LRRC4C: variants seen among roughly 807,000 people sequenced by gnomAD.
The protein encoded by LRRC4C is leucine rich repeat containing 4C.
A neutral mutation model predicts 33.6 loss-of-function variants in LRRC4C; 5 were observed. The ratio of observed to expected loss-of-function variants is 0.15; its 90% CI spans 0.08 to 0.31. The LOEUF is 0.31. LRRC4C is among the 10% of genes least tolerant of loss of function. The pLI is 1.00. For missense variants in LRRC4C, 560 were observed against 796.7 expected (o/e 0.70, Z 3.58); for synonymous variants, 329 against 302.0 (o/e 1.09, Z -0.93).
intron 1 of LRRC4C, among the ~76,000 whole-genome samples, chr11:41,057,736 G>A (rs1858735937): frequency 6.6e-6 from 1 of 152,176 alleles, no homozygotes; most frequent in Admixed American, 6.5e-5. Flanking sequence ...TGACATGCCT[G>A]CAGAGAGAAG....
Position 40,115,774 on chromosome 11 carries a change from A to G in LRRC4C, c.519T>C (p.Ser173=), listed in dbSNP as rs752976082. Reference sequence around the variant, plus strand: ...ATTCCCCTAAGTCTAGTCGGCGCAAAGAAGGAATTCTGTTAAAAGCATAAG... The same window carrying G: ...ATTCCCCTAAGTCTAGTCGGCGCAAGGAAGGAATTCTGTTAAAAGCATAAG... ...IPSYAFNRIP[S]LRRLDLGELK... is the part of the protein sequence containing the mutation. The change falls in exon 7 of 7, where the codon TCT becomes TCC. Residue 173 remains serine, a synonymous_variant. Transcript: ENST00000528697. This position sits in a 1 kb window ranked among gnomAD's most constrained non-coding sequence, Gnocchi z 6.7. The G allele has an allele frequency of 6.2e-7, 1 of 1,614,200 alleles. No individual in the cohort carries two copies. Among genetic ancestry groups the G allele is most frequent in the East Asian group, 2.2e-5 (1 of 44,874 alleles).
chr11:40,723,399 A>G (rs529160256), intron 2 of LRRC4C, among the ~76,000 whole-genome samples: 1 of 152,292 alleles, frequency 6.6e-6, no homozygotes, highest in Non-Finnish European at 1.5e-5. Flanking sequence ...CATCAGGCTA[A>G]CAGCAGATTT....
intron 1 of LRRC4C, among the ~76,000 whole-genome samples, chr11:41,373,994 T>A (rs1952849974): frequency 6.6e-6 from 1 of 152,188 alleles, no homozygotes; most frequent in Non-Finnish European, 1.5e-5. Flanking sequence ...AAAAAAATTT[T>A]CATATCATAT....
At chr11:40,895,965 G>A (rs1955920470) in intron 2 of LRRC4C, among the ~76,000 whole-genome samples, 1 of 152,036 alleles carries the variant, frequency 6.6e-6, no homozygotes, top group South Asian at 2.1e-4. Flanking sequence ...AATGAAGAAA[G>A]GCATAAAATC....
intron 5 of LRRC4C, among the ~76,000 whole-genome samples, chr11:40,233,495 G>A (rs1865348902): frequency 6.6e-6 from 1 of 152,018 alleles, no homozygotes; most frequent in African/African-American, 2.4e-5. Context: ...ATTTAGAAAA[G>A]GCAAGATAGA....
intron 1 of LRRC4C, among the ~76,000 whole-genome samples, chr11:41,100,353 G>T (rs1490232197): frequency 6.6e-6 from 1 of 152,062 alleles, no homozygotes; most frequent in Non-Finnish European, 1.5e-5. Flanking sequence ...GGATCCTGAG[G>T]TCAGGAGTTC....
At chr11:41,340,779 G>C (rs772799584) in intron 1 of LRRC4C, among the ~76,000 whole-genome samples, 65 of 152,298 alleles carry the variant, frequency 4.3e-4, no homozygotes, top group Non-Finnish European at 8.2e-4. Flanking sequence ...GAAAATTTAA[G>C]TGTTATAAGG....
intron 3 of LRRC4C, among the ~76,000 whole-genome samples, chr11:40,603,634 A>G (rs1565550028): frequency 6.6e-6 from 1 of 152,226 alleles, no homozygotes; most frequent in Non-Finnish European, 1.5e-5. Context: ...TGAAAAATTT[A>G]GTATAATGTA....
chr11:41,235,303 CTACTCTCACTTCTA>C (rs143907493), intron 1 of LRRC4C, among the ~76,000 whole-genome samples: 5,601 of 152,002 alleles, frequency 0.037, 146 homozygotes, highest in African/African-American at 0.068. Flanking sequence ...ATTGACTTAC[CTACTCTCACTTCTA>C]TACTCATTTT....
At chr11:41,178,562 G>GA (rs1227431676) in intron 1 of LRRC4C, among the ~76,000 whole-genome samples, 1 of 152,032 alleles carries the variant, frequency 6.6e-6, no homozygotes, top group Non-Finnish European at 1.5e-5. Context: ...TTGCCATGTT[G>GA]ACCAGGCCAG....
chr11:41,441,997 C>T (rs1425870569), intron 1 of LRRC4C, among the ~76,000 whole-genome samples: 6 of 152,228 alleles, frequency 3.9e-5, no homozygotes, highest in South Asian at 2.1e-4. Context: ...ATTCAGTCTT[C>T]AAATTTACAT....
intron 5 of LRRC4C, among the ~76,000 whole-genome samples, chr11:40,164,547 A>G (rs2135380874): frequency 6.6e-6 from 1 of 152,254 alleles, no homozygotes; most frequent in South Asian, 2.1e-4. Flanking sequence ...AAATCCTGTC[A>G]TTTGCAGCAA....
At position 41,065,438 on chromosome 11, in the gene LRRC4C, A is replaced by G. The variant is rs767087850; in HGVS notation, c.-495-131715T>C. The stretch of plus-strand genomic sequence containing the variant: ...AAGAACTCTCAACTCCCTGGGACAG[A>G]GAACCTATGGGGAGGGGCCGGTGCA... On this transcript the variant is annotated intron_variant, in intron 1 of 6. Coordinates refer to ENST00000528697, the MANE Select transcript of LRRC4C (RefSeq NM_001258419.2). Among the ~76,000 whole-genome samples the G allele has an allele frequency of 1.3e-4, 20 of 152,178 alleles. 1 individual carries two copies. Among genetic ancestry groups the G allele is most frequent in the Non-Finnish European group, 2.9e-5 (2 of 68,020 alleles).
At chr11:40,594,222 G>A (rs756656223) in intron 3 of LRRC4C, among the ~76,000 whole-genome samples, 1 of 152,202 alleles carries the variant, frequency 6.6e-6, no homozygotes. Context: ...GCTAGAAGGA[G>A]CTAATGTTTG....
intron 1 of LRRC4C, among the ~76,000 whole-genome samples, chr11:41,452,997 T>G (rs994753237): frequency 1.3e-4 from 20 of 152,108 alleles, no homozygotes; most frequent in Admixed American, 2.6e-4. Flanking sequence ...AGATACTTTG[T>G]GGGCATTATT....
chr11:40,800,992 C>T (rs1441034183), intron 2 of LRRC4C, among the ~76,000 whole-genome samples: 1 of 152,106 alleles, frequency 6.6e-6, no homozygotes, highest in African/African-American at 2.4e-5. Context: ...CATTGTCTTT[C>T]CTTCAACTTA....
intron 1 of LRRC4C, among the ~76,000 whole-genome samples, chr11:41,077,388 C>G (rs1939232500): frequency 6.6e-6 from 1 of 152,222 alleles, no homozygotes; most frequent in African/African-American, 2.4e-5. Flanking sequence ...CATACATCCT[C>G]TGAAATCTAG....
chr11:40,145,879 T>C (rs12789387), intron 5 of LRRC4C, among the ~76,000 whole-genome samples: 48 of 152,186 alleles, frequency 3.2e-4, no homozygotes, highest in Admixed American at 1.0e-3. Context: ...CAAAGCTCTA[T>C]GCTGGGCATA....
At chr11:40,132,581 C>G (rs954081121) in intron 6 of LRRC4C, among the ~76,000 whole-genome samples, 8 of 152,126 alleles carry the variant, frequency 5.3e-5, no homozygotes, top group African/African-American at 1.9e-4. Flanking sequence ...AATGCATTAA[C>G]TAATGCATTG....
Sources: gnomAD v4.1 joint callset for allele counts (sites outside exome capture counted in the v4.1 genomes callset) on GRCh38, gnomAD v4.1.1 for gene constraint, Gnocchi (gnomAD v3.1) non-coding constraint, MANE v1.5 for transcripts, NCBI Gene and HGNC (gene_info 2026-07-23, HGNC 2026-07-21) for gene names.